The following NETO2 variants were observed in gnomAD, a reference collection of about 807,000 sequenced individuals.
The protein encoded by NETO2 is neuropilin and tolloid like 2.
Under a neutral mutation model 62.5 loss-of-function variants are expected in NETO2, and 28 were observed. That is an observed-to-expected ratio of 0.45 (90% confidence interval 0.33 to 0.61). The LOEUF (loss-of-function observed/expected upper bound fraction) is 0.61, where lower values mean the gene tolerates loss of function less well. NETO2 is among the 20% of genes least tolerant of loss of function. NETO2 has a pLI of 0.02. For synonymous variants in NETO2, 214 were observed against 219.1 expected (o/e 0.98, Z 0.21); for missense variants, 548 against 643.2 (o/e 0.85, Z 1.60).
rs1596721369 is a variant in NETO2, at chr16:47,109,529, A to G, written c.837T>C (p.Gly279=). The G allele has an allele frequency of 4.3e-6, 7 of 1,614,116 alleles. No individual in the cohort carries two copies. Among genetic ancestry groups the G allele is most frequent in the East Asian group, 2.2e-5 (1 of 44,874 alleles). Residue 279 remains glycine, a synonymous_variant, in exon 7 of 9, where the codon GGT becomes GGC. Coordinates refer to ENST00000562435, the MANE Select transcript of NETO2 (RefSeq NM_018092.5). ...GCATTCGAAACCTGCTAAGCCGACT[A>G]CCTTCATCTGCCCACATTCGAATCA... The part of the protein sequence containing the change: ...IGVIRMWADE[G]SRLSRFRMLF...
chr16:47,110,318 T>C (rs1963768026), intron 6 of NETO2, among the ~76,000 whole-genome samples: 2 of 152,228 alleles, frequency 1.3e-5, no homozygotes, highest in Non-Finnish European at 2.9e-5. Context: ...AACTGTACTA[T>C]CAAAGGAAGC....
intron 7 of NETO2, among the ~76,000 whole-genome samples, chr16:47,086,598 AGTAT>A (rs1422384262): frequency 2.0e-5 from 3 of 152,234 alleles, no homozygotes; most frequent in Non-Finnish European, 4.4e-5. Flanking sequence ...TTATGGAACC[AGTAT>A]ACAGTCTGGT....
At chr16:47,115,484 T>A (rs1963891535) in intron 6 of NETO2, among the ~76,000 whole-genome samples, 1 of 151,672 alleles carries the variant, frequency 6.6e-6, no homozygotes, top group Admixed American at 6.6e-5. Flanking sequence ...ACTGTTTTCT[T>A]AATTTTGAAC....
chr16:47,105,600 AG>A (rs1215251907), intron 7 of NETO2, among the ~76,000 whole-genome samples: 2 of 152,346 alleles, frequency 1.3e-5, no homozygotes, highest in East Asian at 3.9e-4. Flanking sequence ...ATACACAATA[AG>A]GGATTAATAT....
intron 1 of NETO2, among the ~76,000 whole-genome samples, chr16:47,133,854 G>A (rs1301287165): frequency 6.6e-6 from 1 of 152,120 alleles, no homozygotes; most frequent in African/African-American, 2.4e-5. Flanking sequence ...GCCCTTGTAG[G>A]TTTTTAAACA....
intron 7 of NETO2, among the ~76,000 whole-genome samples, chr16:47,101,849 C>T (rs192333321): frequency 1.2e-4 from 18 of 152,136 alleles, no homozygotes; most frequent in African/African-American, 3.4e-4. Flanking sequence ...TGAAAATGGC[C>T]ATACTGCCCA....
At chr16:47,089,559 C>A (rs1963269960) in intron 7 of NETO2, among the ~76,000 whole-genome samples, 1 of 152,154 alleles carries the variant, frequency 6.6e-6, no homozygotes, top group Non-Finnish European at 1.5e-5. Context: ...GACTGCTAAC[C>A]TGTCAAAATG....
chr16:47,131,803 T>A (rs2151491797), intron 2 of NETO2, among the ~76,000 whole-genome samples, 166 bp downstream of exon 2: 1 of 152,330 alleles, frequency 6.6e-6, no homozygotes, highest in Non-Finnish European at 1.5e-5. Context: ...TTTAGTTAAC[T>A]GCAGCTAAAC....
chr16:47,125,841 C>G (rs1042909938), intron 4 of NETO2, among the ~76,000 whole-genome samples: 1 of 152,310 alleles, frequency 6.6e-6, no homozygotes, highest in Admixed American at 6.5e-5. Context: ...CACGTGTGCA[C>G]CACACGCCTG....
In NETO2 at chr16:47,081,382, T is replaced by G. The variant is rs1042889948; in HGVS notation, c.*1839A>C. 5 of 152,222 alleles carry G rather than the reference T, an allele frequency of 3.3e-5. No individual in the cohort carries two copies. Among genetic ancestry groups the G allele is most frequent in the African/African-American group, 1.2e-4 (5 of 41,470 alleles). The allele number at this position is 152,222 out of a possible 1,614,324, so 9.4% of individuals were successfully genotyped here. ...CATTGAATATTATATGCATCAAGTC[T>G]TTTCATGTTTCCACGTTATATTTTT... On this transcript the variant is annotated 3_prime_UTR_variant, in exon 9 of 9. Transcript: ENST00000562435.
chr16:47,103,664 C>T (rs1963605900), intron 7 of NETO2, among the ~76,000 whole-genome samples: 2 of 151,976 alleles, frequency 1.3e-5, no homozygotes, highest in Admixed American at 1.3e-4. Flanking sequence ...AATTCAGCAA[C>T]ATATAAAATG....
chr16:47,130,170 C>T (rs1324766948), intron 2 of NETO2, among the ~76,000 whole-genome samples: 1 of 152,212 alleles, frequency 6.6e-6, no homozygotes, highest in East Asian at 1.9e-4. Flanking sequence ...ATGTCCCAGC[C>T]TTCGTTTCCT....
chr16:47,087,698 A>G (rs1963224277), intron 7 of NETO2, among the ~76,000 whole-genome samples: 1 of 152,234 alleles, frequency 6.6e-6, no homozygotes, highest in South Asian at 2.1e-4. Flanking sequence ...TATACCATGT[A>G]ATTTCCTACT....
At chr16:47,132,334 C>G (rs1283823001) in intron 1 of NETO2, among the ~76,000 whole-genome samples, 7 of 151,330 alleles carry the variant, frequency 4.6e-5, no homozygotes, top group Admixed American at 4.6e-4. Context: ...TTGCAACAGA[C>G]CTTGCTCATC....
At chr16:47,085,608 T>C (rs1398880290) in intron 8 of NETO2, among the ~76,000 whole-genome samples, 1 of 151,856 alleles carries the variant, frequency 6.6e-6, no homozygotes, top group Non-Finnish European at 1.5e-5. Flanking sequence ...GGTCTTGAAC[T>C]CCTGACCTCA....
At chr16:47,114,680 G>A (rs955039601) in intron 6 of NETO2, among the ~76,000 whole-genome samples, 3 of 151,362 alleles carry the variant, frequency 2.0e-5, no homozygotes, top group African/African-American at 4.9e-5. Flanking sequence ...TCGATTTCCC[G>A]ACCTCGAGAT....
At chr16:47,134,604 G>A (rs550733292) in intron 1 of NETO2, among the ~76,000 whole-genome samples, 13 of 152,204 alleles carry the variant, frequency 8.5e-5, no homozygotes, top group East Asian at 1.9e-4. Context: ...TATTTCGTGC[G>A]CAGTATACCA....
At chr16:47,117,046 A>AT (rs929189139) in intron 6 of NETO2, among the ~76,000 whole-genome samples, 46 of 151,882 alleles carry the variant, frequency 3.0e-4, no homozygotes, top group African/African-American at 9.9e-4. Flanking sequence ...AAGTTTCATG[A>AT]TTTTTTCTAG....
At chr16:47,106,831 G>A (rs1963686220) in intron 7 of NETO2, among the ~76,000 whole-genome samples, 2 of 150,984 alleles carry the variant, frequency 1.3e-5, no homozygotes, top group Non-Finnish European at 2.9e-5. Context: ...ACAGGCTGGA[G>A]AGTGCAGTGG....
Sources: gnomAD v4.1 joint callset for allele counts (sites outside exome capture counted in the v4.1 genomes callset) on GRCh38, gnomAD v4.1.1 for gene constraint, MANE v1.5 for transcripts, NCBI Gene and HGNC (gene_info 2026-07-23, HGNC 2026-07-21) for gene names.